The following CLIC4 variants were observed in gnomAD, a reference collection of about 807,000 sequenced individuals.
CLIC4 encodes the protein chloride intracellular channel protein 4.
A neutral mutation model predicts 24.6 loss-of-function variants in CLIC4; 13 were observed. The ratio of observed to expected loss-of-function variants is 0.53; its 90% CI spans 0.34 to 0.84. The LOEUF (loss-of-function observed/expected upper bound fraction) is 0.84, where lower values mean the gene tolerates loss of function less well. Ranked by LOEUF, CLIC4 falls within the 40% of genes least tolerant of loss-of-function variation. The pLI is 0.01. For missense variants in CLIC4, 227 were observed against 301.7 expected, an observed-to-expected ratio of 0.75 and a Z score of 1.83; for synonymous variants, 104 against 111.3, an observed-to-expected ratio of 0.93 and a Z score of 0.41.
chr1:24,796,225 C>T (rs1639398360), intron 1 of CLIC4, among the ~76,000 whole-genome samples: 1 of 151,908 alleles, frequency 6.6e-6, no homozygotes, highest in African/African-American at 2.4e-5. Context: ...AGTCTTGCTC[C>T]TTCGCTAGGC....
chr1:24,805,226 T>C (rs1639538128), intron 2 of CLIC4, among the ~76,000 whole-genome samples: 1 of 152,116 alleles, frequency 6.6e-6, no homozygotes, highest in African/African-American at 2.4e-5. Flanking sequence ...GTAGACAGAT[T>C]AACAATATTT....
chr1:24,746,789 A>G (rs895425097), intron 1 of CLIC4, among the ~76,000 whole-genome samples: 4 of 152,110 alleles, frequency 2.6e-5, no homozygotes, highest in Admixed American at 2.0e-4. Context: ...TGGGAGGATT[A>G]CTTGAGTCCA....
At chr1:24,778,766 A>G (rs185529906) in intron 1 of CLIC4, among the ~76,000 whole-genome samples, 84 of 152,274 alleles carry the variant, frequency 5.5e-4, no homozygotes, top group African/African-American at 1.7e-3. Flanking sequence ...CGTTTTCATC[A>G]TGGGTCTATT....
At chr1:24,764,791 C>A (rs1203974118) in intron 1 of CLIC4, among the ~76,000 whole-genome samples, 1 of 152,092 alleles carries the variant, frequency 6.6e-6, no homozygotes, top group Non-Finnish European at 1.5e-5. Context: ...ACCACTAAAG[C>A]CCTAAATTTG....
chr1:24,783,899 T>A (rs1175129932), intron 1 of CLIC4, among the ~76,000 whole-genome samples: 2 of 151,992 alleles, frequency 1.3e-5, no homozygotes, highest in Non-Finnish European at 2.9e-5. Flanking sequence ...AATTTGACCC[T>A]AACAAACAGT....
At chr1:24,754,945 G>A (rs888079213) in intron 1 of CLIC4, among the ~76,000 whole-genome samples, 1 of 151,578 alleles carries the variant, frequency 6.6e-6, no homozygotes, top group African/African-American at 2.4e-5. Context: ...GGTGGTGGGC[G>A]CCTGTAATCC....
At chr1:24,750,124 C>A (rs1638755753) in intron 1 of CLIC4, among the ~76,000 whole-genome samples, 1 of 152,082 alleles carries the variant, frequency 6.6e-6, no homozygotes, top group Non-Finnish European at 1.5e-5. Context: ...CCCACGCCTG[C>A]AGCCCTAGCC....
chr1:24,805,541 G>A (rs1639541218), intron 2 of CLIC4, among the ~76,000 whole-genome samples: 1 of 152,098 alleles, frequency 6.6e-6, no homozygotes. Flanking sequence ...TTTATGCCCT[G>A]AAAATCAGCA....
intron 1 of CLIC4, among the ~76,000 whole-genome samples, chr1:24,766,053 G>A (rs1638991392): frequency 6.6e-6 from 1 of 151,896 alleles, no homozygotes; most frequent in Non-Finnish European, 1.5e-5. Context: ...TGCCAGGATG[G>A]AGTGCAGTGG....
At chr1:24,816,779 C>T (rs1034711995) in intron 3 of CLIC4, among the ~76,000 whole-genome samples, 4 of 152,150 alleles carry the variant, frequency 2.6e-5, no homozygotes, top group African/African-American at 9.7e-5. Context: ...AGTGCATTGT[C>T]AATGAGCAGT....
chr1:24,838,697 GGAAAGGATAA>G (rs1430671380), intron 4 of CLIC4, among the ~76,000 whole-genome samples: 1 of 152,058 alleles, frequency 6.6e-6, no homozygotes, highest in Non-Finnish European at 1.5e-5. Context: ...GGCTTTGGAA[GGAAAGGATAA>G]GAAAGGATAA....
At chr1:24,805,086 C>CAAAAAAAAAAAAAA (rs757976140) in intron 2 of CLIC4, among the ~76,000 whole-genome samples, 33 of 46,718 alleles carry the variant, frequency 7.1e-4, no homozygotes, top group East Asian at 1.6e-3. Flanking sequence ...GACTCCATGT[C>CAAAAAAAAAAAAAA]AAAAAAAAAA....
chr1:24,821,469 T>A (rs1358255468), intron 3 of CLIC4, among the ~76,000 whole-genome samples: 3 of 152,208 alleles, frequency 2.0e-5, no homozygotes, highest in African/African-American at 2.4e-5. Flanking sequence ...TAGGAATCTT[T>A]GTGTTATAAA....
In CLIC4 at chr1:24,793,492, G is replaced by A. The variant is rs1255063566; in HGVS notation, c.73-4250G>A. ...ATAAGGATTCCTGGGCCCCAACCCG[G>A]GAGTTCTGCTGAATCAGAATCTCTA... is the stretch of plus-strand genomic sequence containing the variant. On this transcript the variant is annotated intron_variant, in intron 1 of 5. Transcript: ENST00000374379. 2.0e-5 allele frequency among the ~76,000 whole-genome samples: 3 copies of A among 152,204 alleles called. No individual in the cohort carries two copies. In the East Asian group the frequency reaches 5.8e-4, roughly 29 times the overall value.
intron 1 of CLIC4, chr1:24,793,080 T>G (rs914164754): frequency 6.6e-6 from 1 of 152,200 alleles, no homozygotes; most frequent in East Asian, 1.9e-4. Flanking sequence ...TTGGGAAATT[T>G]TAGTTAATTT....
At position 24,818,896 on chromosome 1, in the gene CLIC4, A is replaced by G. The variant is rs978547124; in HGVS notation, c.308+4677A>G. 3.9e-5 allele frequency among the ~76,000 whole-genome samples: 6 copies of G among 152,026 alleles called. No individual in the cohort carries two copies. The South Asian group carries it at 1.2e-3, about 31-fold the overall frequency. ...AGAGCAGAAGAGTCATTTTAAATCA[A>G]TAGTATAAACATATATGTTATACAC... On this transcript the variant is annotated intron_variant, in intron 3 of 5. Transcript: ENST00000374379.
chr1:24,816,790 A>T (rs993290714), intron 3 of CLIC4, among the ~76,000 whole-genome samples: 11 of 152,232 alleles, frequency 7.2e-5, no homozygotes, highest in Non-Finnish European at 1.2e-4. Flanking sequence ...AATGAGCAGT[A>T]ATATTTAGAA....
At chr1:24,803,817 C>T (rs1639517153) in intron 2 of CLIC4, among the ~76,000 whole-genome samples, 1 of 152,162 alleles carries the variant, frequency 6.6e-6, no homozygotes, top group African/African-American at 2.4e-5. Context: ...ATGGAGAGAG[C>T]TCTATCACTG....
intron 1 of CLIC4, among the ~76,000 whole-genome samples, chr1:24,763,908 GA>G (rs1446473912): frequency 6.6e-6 from 1 of 152,164 alleles, no homozygotes; most frequent in Admixed American, 6.5e-5. Flanking sequence ...AGCTCCAGGA[GA>G]GTAGATTCCT....
Sources: gnomAD v4.1 joint callset for allele counts (sites outside exome capture counted in the v4.1 genomes callset) on GRCh38, gnomAD v4.1.1 for gene constraint, MANE v1.5 for transcripts, NCBI Gene and HGNC (gene_info 2026-07-23, HGNC 2026-07-21) for gene names.